The following CNIH3 variants were observed in gnomAD, a reference collection of about 807,000 sequenced individuals.
CNIH3 encodes the protein cornichon family AMPA receptor auxiliary protein 3.
In CNIH3, 14 loss-of-function variants were observed where a neutral mutation model predicts 24.1. The observed-to-expected ratio is 0.58, with a 90% CI of 0.38 to 0.91. The LOEUF (loss-of-function observed/expected upper bound fraction) is 0.91. Ranked by LOEUF, CNIH3 falls within the 40% of genes least tolerant of loss-of-function variation. The pLI, the probability that CNIH3 is intolerant of heterozygous loss-of-function variation, is 0.00. For synonymous variants in CNIH3, 68 were observed against 73.8 expected (o/e 0.92, Z 0.40); for missense variants, 178 against 196.8 (o/e 0.90, Z 0.57).
intron 1 of CNIH3, among the ~76,000 whole-genome samples, chr1:224,460,977 A>G (rs1218062339): frequency 1.3e-5 from 2 of 149,532 alleles, no homozygotes; most frequent in Non-Finnish European, 3.0e-5. Context: ...CCCTTAATTC[A>G]TTGTATATTT....
At chr1:224,511,106 C>T (rs925166134), upstream of CNIH3, among the ~76,000 whole-genome samples, 1 of 152,166 alleles carries the variant, frequency 6.6e-6, no homozygotes, top group African/African-American at 2.4e-5. Context: ...CTTAAAGGCA[C>T]AGTGCATTAC....
intron 2 of CNIH3, among the ~76,000 whole-genome samples, chr1:224,542,800 G>A (rs1310124278): frequency 3.3e-5 from 5 of 152,142 alleles, no homozygotes; most frequent in Non-Finnish European, 7.4e-5. Context: ...TATAGTAGCT[G>A]CAGTGATCTT....
At chr1:224,648,352 A>G (rs967157650) in intron 1 of CNIH3, among the ~76,000 whole-genome samples, 6 of 150,996 alleles carry the variant, frequency 4.0e-5, no homozygotes, top group African/African-American at 1.5e-4. Flanking sequence ...CAGAGGTTGC[A>G]GTGAGCTGAG....
chr1:224,580,884 C>T (rs1681247751), intron 4 of CNIH3, among the ~76,000 whole-genome samples: 1 of 151,822 alleles, frequency 6.6e-6, no homozygotes. Flanking sequence ...CTGCACTTTA[C>T]ATAAGATAAA....
chr1:224,555,083 C>T (rs976715684), intron 3 of CNIH3, among the ~76,000 whole-genome samples: 16 of 152,100 alleles, frequency 1.1e-4, no homozygotes, highest in African/African-American at 2.7e-4. Flanking sequence ...ATCAATCCCC[C>T]GTGGATACTG....
At chr1:224,715,469 T>G (rs998396562) in intron 3 of CNIH3, among the ~76,000 whole-genome samples, 1 of 152,204 alleles carries the variant, frequency 6.6e-6, no homozygotes, top group Non-Finnish European at 1.5e-5. Flanking sequence ...GAACCAGTCC[T>G]CAACATCCAA....
At chr1:224,574,737 C>G in intron 4 of CNIH3, 2 of 1,191,450 alleles carry the variant, frequency 1.7e-6, no homozygotes, top group African/African-American at 1.5e-5. Flanking sequence ...TGACCTGAAG[C>G]TGGACTACCT....
chr1:224,476,198 C>T (rs1676580608), intron 1 of CNIH3, among the ~76,000 whole-genome samples: 3 of 152,122 alleles, frequency 2.0e-5, no homozygotes, highest in African/African-American at 7.2e-5. Context: ...ACAAGGATGC[C>T]CACTTTCACC....
upstream of CNIH3, among the ~76,000 whole-genome samples, chr1:224,514,384 C>T (rs1678294558): frequency 1.3e-5 from 2 of 152,128 alleles, no homozygotes; most frequent in Admixed American, 1.3e-4. Context: ...CTCCAGCCCC[C>T]AGTTTTTGAC....
At chr1:224,549,217 G>C (rs1402214774) in intron 3 of CNIH3, among the ~76,000 whole-genome samples, 1 of 152,002 alleles carries the variant, frequency 6.6e-6, no homozygotes, top group Non-Finnish European at 1.5e-5. Flanking sequence ...ACACACACTG[G>C]ATGTTATGGA....
intron 3 of CNIH3, among the ~76,000 whole-genome samples, chr1:224,610,402 C>T (rs1171997033): frequency 6.6e-6 from 1 of 152,152 alleles, no homozygotes; most frequent in Non-Finnish European, 1.5e-5. Context: ...CTGCTATTCT[C>T]CTGATAGTGA....
chr1:224,735,038 C>T (rs1372796716), intron 5 of CNIH3, among the ~76,000 whole-genome samples: 2 of 152,138 alleles, frequency 1.3e-5, no homozygotes, highest in African/African-American at 2.4e-5. Context: ...CTGCCTCTCA[C>T]GACTTTGCAG....
chr1:224,706,693 G>A (rs981568371), intron 3 of CNIH3, among the ~76,000 whole-genome samples: 1 of 152,128 alleles, frequency 6.6e-6, no homozygotes, highest in African/African-American at 2.4e-5. Context: ...CTCTTTCATC[G>A]AAGGTAAACA....
chr1:224,712,474 G>A (rs1180137356), intron 3 of CNIH3, among the ~76,000 whole-genome samples: 1 of 152,200 alleles, frequency 6.6e-6, no homozygotes, highest in South Asian at 2.1e-4. Flanking sequence ...GGATCACCTG[G>A]CAGGATATCT....
Position 224,674,272 on chromosome 1 carries a change from G to GTTTTTTTT in CNIH3, c.82-6658_82-6651dup, listed in dbSNP as rs71170028. On this transcript the variant is annotated intron_variant, in intron 1 of 5. Transcript: ENST00000272133. ...AATCGTTTCTTCATCTTCCAGGAAG[G>GTTTTTTTT]TTTTTTTTTTTTTTTTTTTTTTTTT... Among the ~76,000 whole-genome samples the GTTTTTTTT allele has an allele frequency of 9.7e-4, 70 of 72,056 alleles. 5 individuals are homozygous for GTTTTTTTT. Among genetic ancestry groups the GTTTTTTTT allele is most frequent in the African/African-American group, 2.5e-3 (46 of 18,640 alleles). 47.3% of individuals were successfully genotyped at this position (72,056 alleles called of 152,430 possible).
downstream of CNIH3, among the ~76,000 whole-genome samples, chr1:224,538,377 C>T (rs893753646): frequency 6.6e-6 from 1 of 152,116 alleles, no homozygotes; most frequent in Non-Finnish European, 1.5e-5. Flanking sequence ...ACTGTCTGAC[C>T]AAGATGAGTC....
At chr1:224,652,543 T>G (rs1480156096) in intron 1 of CNIH3, among the ~76,000 whole-genome samples, 1 of 152,060 alleles carries the variant, frequency 6.6e-6, no homozygotes, top group Admixed American at 6.5e-5. Context: ...AGAAGGGACT[T>G]AAGGCCCCTT....
chr1:224,569,009 A>T (rs1179323496), intron 4 of CNIH3, among the ~76,000 whole-genome samples: 2 of 152,036 alleles, frequency 1.3e-5, no homozygotes, highest in East Asian at 1.9e-4. Context: ...AGTAGCTGGG[A>T]TTACAGGCAT....
intron 1 of CNIH3, chr1:224,661,379 C>A (rs867345699): frequency 3.7e-6 from 1 of 271,448 alleles, no homozygotes; most frequent in South Asian, 4.7e-5. Context: ...GAGAATGAGT[C>A]CCCTGTGACC....
Sources: allele counts gnomAD v4.1 joint callset (sites outside exome capture counted in the v4.1 genomes callset), GRCh38; gene constraint gnomAD v4.1.1; transcripts MANE v1.5; gene names NCBI Gene and HGNC (gene_info 2026-07-23, HGNC 2026-07-21).